PINX1: variants seen among roughly 807,000 people sequenced by gnomAD.
PINX1 encodes the protein PIN2/TERF1-interacting telomerase inhibitor 1.
A neutral mutation model predicts 25.4 loss-of-function variants in PINX1; 34 were observed. The observed-to-expected ratio is 1.34, with a 90% CI of 1.02 to 1.78. PINX1 has a LOEUF of 1.78. PINX1 is among the 40% of genes most tolerant of loss of function. PINX1 has a pLI of 0.00. For synonymous variants in PINX1, 197 were observed against 147.7 expected, an observed-to-expected ratio of 1.33 and a Z score of -2.42; for missense variants, 592 against 404.9, an observed-to-expected ratio of 1.46 and a Z score of -3.97.
intron 5 of PINX1, among the ~76,000 whole-genome samples, chr8:10,824,581 G>C (rs1466012565): frequency 6.6e-6 from 1 of 152,206 alleles, no homozygotes; most frequent in African/African-American, 2.4e-5. Context: ...CCCAGCAAAG[G>C]AGTGGCTTAA....
chr8:10,776,503 T>A (rs890581891), intron 6 of PINX1, among the ~76,000 whole-genome samples: 2 of 152,160 alleles, frequency 1.3e-5, no homozygotes, highest in Non-Finnish European at 2.9e-5. Flanking sequence ...ATAATATATA[T>A]AATTCTTAAC....
chr8:10,767,113 C>G (rs1369821211), intron 6 of PINX1, among the ~76,000 whole-genome samples: 2 of 152,134 alleles, frequency 1.3e-5, no homozygotes, highest in Non-Finnish European at 2.9e-5. Flanking sequence ...GTGTTCTACG[C>G]TTTCATGATG....
Position 10,765,718 on chromosome 8 carries a change from C to A in PINX1, c.670G>T (p.Val224Leu). 6.2e-7 allele frequency: 1 copy of A among 1,614,032 alleles called. No individual in the cohort carries two copies. The highest frequency in any genetic ancestry group is 8.5e-7 in the Non-Finnish European group (1 of 1,179,894). Reference protein sequence around the residue: ...KRNKEATGKDVESYLQPKAKR... With the variant: ...KRNKEATGKDLESYLQPKAKR... ...GCCTTAGGCTGGAGGTAACTTTCCACATCTTTACCTGTGGCCTCTTTATTT... is the reference window on the plus strand; with the variant it reads ...GCCTTAGGCTGGAGGTAACTTTCCAAATCTTTACCTGTGGCCTCTTTATTT... Residue 224 changes from valine (V) to leucine (L), a missense_variant, in exon 7 of 7, where the codon GTG (valine) becomes TTG (leucine). Transcript: ENST00000314787.
At chr8:10,791,059 C>T (rs537014381) in intron 6 of PINX1, among the ~76,000 whole-genome samples, 5 of 152,148 alleles carry the variant, frequency 3.3e-5, no homozygotes, top group South Asian at 2.1e-4. Flanking sequence ...ATTACAAGTG[C>T]GCACCACCAC....
intron 5 of PINX1, among the ~76,000 whole-genome samples, chr8:10,822,999 G>C (rs978843585): frequency 6.6e-6 from 1 of 152,066 alleles, no homozygotes; most frequent in Non-Finnish European, 1.5e-5. Flanking sequence ...GCAGTCAACC[G>C]AGGGCAGAAG....
chr8:10,768,484 A>G (rs1801127298), intron 6 of PINX1, among the ~76,000 whole-genome samples: 1 of 152,180 alleles, frequency 6.6e-6, no homozygotes, highest in Non-Finnish European at 1.5e-5. Flanking sequence ...TATGCTCATC[A>G]TCAACTTCTG....
chr8:10,835,530 C>A (rs993366893), intron 1 of PINX1, among the ~76,000 whole-genome samples: 8 of 152,078 alleles, frequency 5.3e-5, no homozygotes, highest in Non-Finnish European at 1.0e-4. Flanking sequence ...ATTGAGATGC[C>A]CTGAAGCCCT....
intron 6 of PINX1, among the ~76,000 whole-genome samples, chr8:10,811,242 G>C (rs1193184432): frequency 6.6e-6 from 1 of 152,112 alleles, no homozygotes; most frequent in African/African-American, 2.4e-5. Flanking sequence ...AACTACTCTT[G>C]GGCTCAAATG....
chr8:10,817,280 G>A (rs760061688), intron 6 of PINX1, among the ~76,000 whole-genome samples: 9 of 152,124 alleles, frequency 5.9e-5, no homozygotes, highest in Non-Finnish European at 1.0e-4. Flanking sequence ...AATCCAGACC[G>A]ACGGAGCTAT....
chr8:10,834,802 G>C, intron 1 of PINX1, 27 bp from the exon 2 acceptor site: 1 of 1,511,570 alleles, frequency 6.6e-7, no homozygotes, highest in Non-Finnish European at 9.2e-7. Context: ...ATTATCATCA[G>C]CAATGGAGAT....
chr8:10,786,528 A>T (rs1219617032), intron 6 of PINX1, among the ~76,000 whole-genome samples: 1 of 152,050 alleles, frequency 6.6e-6, no homozygotes, highest in Non-Finnish European at 1.5e-5. Flanking sequence ...CATAGGCAGG[A>T]CCCCTCCAGC....
chr8:10,820,452 A>C (rs1347497983), intron 5 of PINX1, 183 bp from the exon 6 acceptor site: 1 of 648,548 alleles, frequency 1.5e-6, no homozygotes, highest in Non-Finnish European at 2.8e-6. Flanking sequence ...AAATTAATTA[A>C]ATTTTAAAAC....
chr8:10,771,518 A>T (rs1563201020), intron 6 of PINX1: 1 of 152,240 alleles, frequency 6.6e-6, no homozygotes, highest in Non-Finnish European at 1.5e-5. Context: ...TCCCAAGGAA[A>T]CAAGTTTCTT....
intron 6 of PINX1, among the ~76,000 whole-genome samples, chr8:10,770,841 A>G (rs1241396095): frequency 1.3e-5 from 2 of 152,186 alleles, no homozygotes; most frequent in African/African-American, 4.8e-5. Context: ...CTCATACATC[A>G]CTACTGATCT....
intron 6 of PINX1, among the ~76,000 whole-genome samples, chr8:10,808,571 G>C (rs1448695899): frequency 1.3e-5 from 2 of 152,180 alleles, no homozygotes; most frequent in Admixed American, 6.5e-5. Flanking sequence ...TATTATCCCT[G>C]TTTTAAGATA....
At chr8:10,830,681 AAAG>A (rs1798202226) in intron 4 of PINX1, among the ~76,000 whole-genome samples, 2 of 152,256 alleles carry the variant, frequency 1.3e-5, no homozygotes, top group African/African-American at 2.4e-5. Context: ...ACACTTCTTC[AAAG>A]AAGATATAAA....
At chr8:10,789,519 C>G (rs1801856524) in intron 6 of PINX1, among the ~76,000 whole-genome samples, 1 of 152,138 alleles carries the variant, frequency 6.6e-6, no homozygotes, top group South Asian at 2.1e-4. Flanking sequence ...TATGCTAGGT[C>G]TCCAGAACTT....
chr8:10,826,560 C>G (rs978796914), intron 4 of PINX1, among the ~76,000 whole-genome samples: 2 of 152,222 alleles, frequency 1.3e-5, no homozygotes, highest in African/African-American at 2.4e-5. Context: ...TCACATTAGC[C>G]TTATTCATCA....
rs761329680 is a variant in PINX1, at chr8:10,765,124, G to C, written c.*277C>G. ...CACACTTACATGAATGCATGTATTT[G>C]TAATGATTATAATTAAACTCTCTTG... On this transcript the variant is annotated 3_prime_UTR_variant, in exon 7 of 7. Transcript: ENST00000314787. The C allele has an allele frequency of 4.6e-6, 2 of 430,642 alleles. No individual in the cohort carries two copies. The highest frequency in any genetic ancestry group is 8.2e-6 in the Non-Finnish European group (2 of 242,468). 26.7% of individuals were successfully genotyped at this position (430,642 alleles called of 1,614,324 possible).
Sources: allele counts gnomAD v4.1 joint callset (sites outside exome capture counted in the v4.1 genomes callset), GRCh38; gene constraint gnomAD v4.1.1; transcripts MANE v1.5; gene names NCBI Gene and HGNC (gene_info 2026-07-23, HGNC 2026-07-21).